The following HECW1 variants were observed in gnomAD, a reference collection of about 807,000 sequenced individuals.
HECW1 encodes HECT, C2 and WW domain containing E3 ubiquitin protein ligase 1.
Under a neutral mutation model 182.3 loss-of-function variants are expected in HECW1, and 61 were observed. The observed-to-expected ratio is 0.33, with a 90% CI of 0.27 to 0.41. HECW1 has a LOEUF of 0.41. Among genes scored for constraint, HECW1 ranks in the 10% least tolerant of loss-of-function variants. The probability of loss-of-function intolerance (pLI) is 1.00; values close to 1 mark genes in which losing one functional copy is unlikely to be tolerated. For missense variants in HECW1, 1,739 were observed against 2,108.9 expected (o/e 0.82, Z 3.44); for synonymous variants, 859 against 832.6 (o/e 1.03, Z -0.55).
At position 43,378,292 on chromosome 7, in the gene HECW1, C is replaced by G. The variant is rs75295403; in HGVS notation, c.555+17312C>G. Among the ~76,000 whole-genome samples the G allele has an allele frequency of 6.9e-3, 1,054 of 152,322 alleles. 12 individuals carry two copies. The highest frequency in any genetic ancestry group is 0.024 in the African/African-American group (1,003 of 41,572). On this transcript the variant is annotated intron_variant, in intron 6 of 29. Coordinates refer to ENST00000395891, the MANE Select transcript of HECW1 (RefSeq NM_015052.5). Reference sequence around the variant, plus strand: ...AGCAAATATGAGGTGATTTTGCTCTCCTGTGTACACAGTGACTACTGGATG... The same window carrying G: ...AGCAAATATGAGGTGATTTTGCTCTGCTGTGTACACAGTGACTACTGGATG...
At chr7:43,515,035 C>G (rs2080078413) in intron 24 of HECW1, among the ~76,000 whole-genome samples, 1 of 152,096 alleles carries the variant, frequency 6.6e-6, no homozygotes, top group Non-Finnish European at 1.5e-5. Context: ...CTGTGCATAC[C>G]TCTATTATAG....
chr7:43,547,344 C>T (rs947608820), intron 26 of HECW1, among the ~76,000 whole-genome samples: 3 of 152,024 alleles, frequency 2.0e-5, no homozygotes, highest in South Asian at 2.1e-4. Flanking sequence ...GTCAAGAGAT[C>T]GAGACCATCC....
intron 3 of HECW1, among the ~76,000 whole-genome samples, chr7:43,296,502 C>T (rs2152759513): frequency 6.6e-6 from 1 of 152,280 alleles, no homozygotes; most frequent in South Asian, 2.1e-4. Flanking sequence ...CAACTCTGAA[C>T]TTGGCGGCGC....
Position 43,551,686 on chromosome 7 carries a change from C to T in HECW1, c.4396-536C>T, listed in dbSNP as rs575568610. Among the ~76,000 whole-genome samples, 3 of 152,222 alleles carry T rather than the reference C, an allele frequency of 2.0e-5. No homozygotes were observed. In the East Asian group the frequency reaches 5.8e-4, roughly 29 times the overall value. On this transcript the variant is annotated intron_variant, in intron 27 of 29. Transcript: ENST00000395891. The stretch of plus-strand genomic sequence containing the variant: ...GCATGCGATTCTTTTTTCTGTTCCC[C>T]GCTCATGAAGGCTTGTGTTCTAAAA...
Position 43,445,506 on chromosome 7 carries a change from G to C in HECW1, c.2334G>C (p.Gly778=). 6.2e-7 allele frequency: 1 copy of C among 1,611,268 alleles called. No homozygotes were observed. The highest frequency in any genetic ancestry group is 1.1e-5 in the South Asian group (1 of 91,020). ...PWQDELAAPS[G]HVERSPEGLE... ...AAGACGAGCTGGCCGCCCCTAGCGG[G>C]CACGTGGAAAGAAGCCCGGAAGGTC... The change falls in exon 11 of 30, where the codon GGG becomes GGC. Residue 778 remains glycine (G), a synonymous_variant. Coordinates refer to ENST00000395891, the MANE Select transcript of HECW1 (RefSeq NM_015052.5).
chr7:43,351,678 C>CTTT (rs200929407), intron 5 of HECW1, among the ~76,000 whole-genome samples: 26 of 120,518 alleles, frequency 2.2e-4, no homozygotes, highest in Non-Finnish European at 3.0e-4. Context: ...TTTCTTTCTT[C>CTTT]TTTTTTTTTT....
intron 2 of HECW1, among the ~76,000 whole-genome samples, chr7:43,141,103 G>A (rs1003133350): frequency 2.6e-5 from 4 of 152,172 alleles, no homozygotes; most frequent in African/African-American, 7.2e-5. Context: ...CATAACACCC[G>A]TCTTTGGTAT....
At chr7:43,547,760 A>G (rs2081621561) in intron 26 of HECW1, among the ~76,000 whole-genome samples, 1 of 152,100 alleles carries the variant, frequency 6.6e-6, no homozygotes, top group Admixed American at 6.6e-5. Context: ...AAGTAATTCA[A>G]TTTTCCCTTG....
At chr7:43,308,926 TA>T (rs1379667986) in intron 3 of HECW1, among the ~76,000 whole-genome samples, 1 of 152,220 alleles carries the variant, frequency 6.6e-6, no homozygotes, top group African/African-American at 2.4e-5. Context: ...CCAGCCATTT[TA>T]TCTATTTTTA....
At position 43,565,558 on chromosome 7, in the gene HECW1, T is replaced by TTTATTA. The variant is rs571277771; in HGVS notation, c.*3650_*3655dup. ...GAACTTTACATAACAAATGTGGTGC[T>TTTATTA]TTATTATTATTATTATTATTATTTT... is the stretch of plus-strand genomic sequence containing the variant. On this transcript the variant is annotated 3_prime_UTR_variant, in exon 30 of 30. Coordinates refer to ENST00000395891, the MANE Select transcript of HECW1 (RefSeq NM_015052.5). 1.9e-3 allele frequency: 322 copies of TTTATTA among 167,806 alleles called. 2 individuals carry two copies. Among genetic ancestry groups the TTTATTA allele is most frequent in the African/African-American group, 7.6e-3 (308 of 40,270 alleles). 10.4% of individuals were successfully genotyped at this position (167,806 alleles called of 1,614,324 possible). A position where few individuals can be genotyped will look rare whatever the true frequency, so the allele number is the denominator to read the frequency against.
intron 6 of HECW1, among the ~76,000 whole-genome samples, chr7:43,366,037 A>T (rs1816603169): frequency 6.6e-6 from 1 of 151,910 alleles, no homozygotes; most frequent in Non-Finnish European, 1.5e-5. Context: ...TGGGAGGTAG[A>T]GGTTGCAGTG....
At chr7:43,388,956 G>A (rs913709392) in intron 6 of HECW1, among the ~76,000 whole-genome samples, 7 of 152,172 alleles carry the variant, frequency 4.6e-5, no homozygotes, top group African/African-American at 1.7e-4. Context: ...CAGCTGGCTG[G>A]GTAATGGTCA....
chr7:43,244,661 T>A (rs993771115), intron 3 of HECW1, among the ~76,000 whole-genome samples: 5 of 152,094 alleles, frequency 3.3e-5, no homozygotes, highest in Non-Finnish European at 5.9e-5. Flanking sequence ...TGCTCTGAAG[T>A]CTCCCAGTGG....
intron 26 of HECW1, among the ~76,000 whole-genome samples, chr7:43,548,060 C>T (rs1402644295): frequency 6.6e-6 from 1 of 152,182 alleles, no homozygotes; most frequent in Admixed American, 6.5e-5. Context: ...TGATTTAATA[C>T]CGCATTTTGA....
chr7:43,216,575 C>T (rs1263192417), intron 2 of HECW1, among the ~76,000 whole-genome samples: 1 of 152,130 alleles, frequency 6.6e-6, no homozygotes, highest in Admixed American at 6.6e-5. Flanking sequence ...TGGTACTGCT[C>T]CCCAGATGCC....
intron 2 of HECW1, among the ~76,000 whole-genome samples, chr7:43,206,654 A>G (rs764741713): frequency 6.6e-6 from 1 of 152,070 alleles, no homozygotes; most frequent in South Asian, 2.1e-4. Context: ...CACCTCCCAT[A>G]CTGGGTGCTG....
chr7:43,556,359 T>G (rs2082021767), intron 29 of HECW1, among the ~76,000 whole-genome samples: 1 of 152,126 alleles, frequency 6.6e-6, no homozygotes, highest in African/African-American at 2.4e-5. Context: ...TCACAGGGGA[T>G]GCAGTTGAGA....
At chr7:43,400,193 G>A (rs1282781669) in intron 7 of HECW1, among the ~76,000 whole-genome samples, 1 of 152,140 alleles carries the variant, frequency 6.6e-6, no homozygotes, top group Admixed American at 6.6e-5. Flanking sequence ...CTCTAACTGT[G>A]CAACTGTACT....
chr7:43,337,080 AATGGTAGTTCT>A (rs1812390627), intron 5 of HECW1, among the ~76,000 whole-genome samples: 1 of 152,154 alleles, frequency 6.6e-6, no homozygotes, highest in South Asian at 2.1e-4. Context: ...TGCTGGATCT[AATGGTAGTTCT>A]ATTTTTAGTT....
Sources: allele counts gnomAD v4.1 joint callset (sites outside exome capture counted in the v4.1 genomes callset), GRCh38; gene constraint gnomAD v4.1.1; transcripts MANE v1.5; gene names NCBI Gene and HGNC (gene_info 2026-07-23, HGNC 2026-07-21).